AUTS2: variants seen among roughly 807,000 people sequenced by gnomAD.
AUTS2 encodes activator of transcription and developmental regulator AUTS2.
In AUTS2, 17 loss-of-function variants were observed where a neutral mutation model predicts 112.4. That is an observed-to-expected ratio of 0.15 (90% confidence interval 0.10 to 0.23). The LOEUF is 0.23. Among genes scored for constraint, AUTS2 ranks in the 10% least tolerant of loss-of-function variants. The probability of loss-of-function intolerance (pLI) is 1.00; values close to 1 mark genes in which losing one functional copy is unlikely to be tolerated. For synonymous variants in AUTS2, 751 were observed against 702.7 expected (o/e 1.07, Z -1.09); for missense variants, 1,510 against 1,701.6 (o/e 0.89, Z 1.98).
chr7:70,588,499 A>T (rs1015445445), intron 5 of AUTS2, among the ~76,000 whole-genome samples: 6 of 152,212 alleles, frequency 3.9e-5, no homozygotes, highest in Admixed American at 6.5e-5. Flanking sequence ...CAGAGCTGTG[A>T]TAGCTTCTTG....
chr7:70,761,361 G>A (rs1044949108), intron 6 of AUTS2, among the ~76,000 whole-genome samples: 2 of 152,176 alleles, frequency 1.3e-5, no homozygotes, highest in Non-Finnish European at 2.9e-5. Flanking sequence ...GAACCAACAA[G>A]AATACCACAT....
At chr7:70,368,273 G>A (rs1792677393) in intron 4 of AUTS2, among the ~76,000 whole-genome samples, 2 of 152,202 alleles carry the variant, frequency 1.3e-5, no homozygotes, top group African/African-American at 4.8e-5. Flanking sequence ...CACTCAGTAA[G>A]TATTAGTAGG....
intron 1 of AUTS2, among the ~76,000 whole-genome samples, chr7:69,813,928 G>T (rs1227922341): frequency 2.0e-5 from 3 of 152,214 alleles, no homozygotes; most frequent in Admixed American, 6.5e-5. Flanking sequence ...AGCAGCTGAG[G>T]TAGGGGTGGT....
intron 1 of AUTS2, among the ~76,000 whole-genome samples, chr7:69,650,365 C>T (rs931605314): frequency 1.3e-5 from 2 of 152,164 alleles, no homozygotes; most frequent in African/African-American, 4.8e-5. Context: ...CTGCTGACAT[C>T]AGAATTGCCA....
chr7:70,306,998 T>G (rs755204058), intron 4 of AUTS2, among the ~76,000 whole-genome samples: 1 of 152,198 alleles, frequency 6.6e-6, no homozygotes, highest in Non-Finnish European at 1.5e-5. Flanking sequence ...GGGTAAAAAT[T>G]CTTAGATAAC....
intron 5 of AUTS2, among the ~76,000 whole-genome samples, chr7:70,569,348 A>G (rs1801844499): frequency 6.6e-6 from 1 of 152,234 alleles, no homozygotes. Context: ...ACCATTGCCA[A>G]GAATGTAACT....
At chr7:70,203,706 GT>G (rs1406731739) in intron 4 of AUTS2, among the ~76,000 whole-genome samples, 2 of 147,124 alleles carry the variant, frequency 1.4e-5, no homozygotes, top group African/African-American at 5.0e-5. Context: ...TGGTGGTATA[GT>G]GAGTGGCCTC....
intron 1 of AUTS2, among the ~76,000 whole-genome samples, chr7:69,656,179 C>G (rs1052634787): frequency 7.9e-5 from 12 of 152,336 alleles, no homozygotes; most frequent in African/African-American, 2.6e-4. Context: ...CCCCTCTGCC[C>G]CTTCCCCAGT....
At chr7:69,612,131 G>C (rs996168164) in intron 1 of AUTS2, among the ~76,000 whole-genome samples, 1 of 152,080 alleles carries the variant, frequency 6.6e-6, no homozygotes, top group Non-Finnish European at 1.5e-5. Context: ...GTACATTATT[G>C]ATAGTCTTAA....
At chr7:70,340,662 A>C (rs1791223039) in intron 4 of AUTS2, among the ~76,000 whole-genome samples, 1 of 152,236 alleles carries the variant, frequency 6.6e-6, no homozygotes, top group South Asian at 2.1e-4. Flanking sequence ...CCTCAGTACA[A>C]AGGTACTTGA....
intron 2 of AUTS2, among the ~76,000 whole-genome samples, chr7:69,918,634 A>AT (rs977892664): frequency 1.3e-5 from 2 of 152,202 alleles, no homozygotes; most frequent in African/African-American, 4.8e-5. Context: ...ATATTGGCTT[A>AT]TTTTTTAAAA....
intron 1 of AUTS2, among the ~76,000 whole-genome samples, chr7:69,776,661 C>T (rs1209556612): frequency 6.6e-6 from 1 of 152,142 alleles, no homozygotes; most frequent in Non-Finnish European, 1.5e-5. Flanking sequence ...TCAAGTAGTC[C>T]TTCTGCCTCA....
intron 1 of AUTS2, among the ~76,000 whole-genome samples, chr7:69,865,975 G>A (rs184503165): frequency 1.1e-3 from 168 of 152,212 alleles, no homozygotes; most frequent in Non-Finnish European, 1.9e-3. Context: ...CATGTTTGTA[G>A]TCTTCTCCCT....
chr7:70,738,150 G>A (rs1310131308), intron 6 of AUTS2, among the ~76,000 whole-genome samples: 1 of 152,220 alleles, frequency 6.6e-6, no homozygotes, highest in South Asian at 2.1e-4. Context: ...ACTTTCCTTA[G>A]TATTAGGAAA....
chr7:70,231,072 T>C (rs1562805389), intron 4 of AUTS2, among the ~76,000 whole-genome samples: 1 of 152,242 alleles, frequency 6.6e-6, no homozygotes, highest in Non-Finnish European at 1.5e-5. Context: ...CTTCTCAGTT[T>C]ATTGCATGCC....
rs966164636 is a variant in AUTS2, at chr7:70,546,831, T to C, written c.690+111050T>C. 2.6e-5 allele frequency among the ~76,000 whole-genome samples: 4 copies of C among 151,848 alleles called. No individual in the cohort carries two copies. In the South Asian group the frequency reaches 6.2e-4, roughly 24 times the overall value. ...CAGGTACAGCCAGAGAGAGCCACTG[T>C]AGATAGTTTGAAATCCAAAGACGTC... On this transcript the variant is annotated intron_variant, in intron 5 of 18. Coordinates refer to ENST00000342771, the MANE Select transcript of AUTS2 (RefSeq NM_015570.4).
intron 4 of AUTS2, among the ~76,000 whole-genome samples, chr7:70,386,452 G>T (rs1421832444): frequency 6.6e-6 from 1 of 152,126 alleles, no homozygotes; most frequent in Non-Finnish European, 1.5e-5. Context: ...TTAGTAAATT[G>T]TACAACCATC....
intron 4 of AUTS2, among the ~76,000 whole-genome samples, chr7:70,191,078 C>T (rs1809854033): frequency 6.7e-6 from 1 of 148,882 alleles, no homozygotes; most frequent in Non-Finnish European, 1.5e-5. Flanking sequence ...TGAAGCCTTA[C>T]TAAATTCAAT....
chr7:70,475,238 TGAG>T (rs1797538435), intron 5 of AUTS2, among the ~76,000 whole-genome samples: 1 of 152,196 alleles, frequency 6.6e-6, no homozygotes, highest in African/African-American at 2.4e-5. Flanking sequence ...AATTTTCACT[TGAG>T]GAGGCGGGGA....
Sources: allele counts gnomAD v4.1 joint callset (sites outside exome capture counted in the v4.1 genomes callset), GRCh38; gene constraint gnomAD v4.1.1; transcripts MANE v1.5; gene names NCBI Gene and HGNC (gene_info 2026-07-23, HGNC 2026-07-21).